Variants in CPEB2 observed in about 807,000 individuals in gnomAD.
The protein encoded by CPEB2 is cytoplasmic polyadenylation element binding protein 2.
CPEB2 carries 56 observed loss-of-function variants against 93.6 expected under a neutral mutation model. That is an observed-to-expected ratio of 0.60 (90% CI 0.48 to 0.75). CPEB2 has a LOEUF of 0.75. Ranked by LOEUF, CPEB2 falls within the 30% of genes least tolerant of loss-of-function variation. The probability of loss-of-function intolerance (pLI) is 0.00; values close to 1 mark genes in which losing one functional copy is unlikely to be tolerated. For missense variants in CPEB2, 1,579 were observed against 1,395.1 expected (o/e 1.13, Z -2.10); for synonymous variants, 764 against 586.3 (o/e 1.30, Z -4.38).
At chr4:15,038,226 A>T (rs947327796) in intron 5 of CPEB2, among the ~76,000 whole-genome samples, 1 of 152,196 alleles carries the variant, frequency 6.6e-6, no homozygotes, top group African/African-American at 2.4e-5. Flanking sequence ...AAGGAATGAA[A>T]ACTTAAGATG....
rs1729797480 is a variant in CPEB2 at position 15,067,683 on chromosome 4, G to A, written c.*1303G>A. The A allele has an allele frequency of 6.6e-6, 1 of 152,338 alleles. No individual in the cohort carries two copies. Among genetic ancestry groups the A allele is most frequent in the Admixed American group, 6.6e-5 (1 of 15,228 alleles). The allele number at this position is 152,338 out of a possible 1,614,324, so 9.4% of individuals were successfully genotyped here. A position where few individuals can be genotyped will look rare whatever the true frequency, so the allele number is the denominator to read the frequency against. ...TAAGTAAAGTCAAAATGGAGAAGGG[G>A]AAATATACAGATGGCTAGTTGCATA... On this transcript the variant is annotated 3_prime_UTR_variant, in exon 12 of 12. Coordinates refer to ENST00000538197, the MANE Select transcript of CPEB2 (RefSeq NM_001177382.2).
chr4:15,017,940 T>C (rs1264468519), intron 4 of CPEB2: 1 of 151,912 alleles, frequency 6.6e-6, no homozygotes, highest in Non-Finnish European at 1.5e-5. Flanking sequence ...TATCACATTG[T>C]CATTTATATC....
At position 15,006,695 on chromosome 4, in the gene CPEB2, A is replaced by G. The variant is rs542181876; in HGVS notation, c.1663-610A>G. ...AAGTGAAATAAAAACAATTAAGACA[A>G]ACTATGCTAAAACTGGAATAAAATG... On this transcript the variant is annotated intron_variant, in intron 1 of 11. Coordinates refer to ENST00000538197, the MANE Select transcript of CPEB2 (RefSeq NM_001177382.2). 9 of 152,334 alleles carry G rather than the reference A, an allele frequency of 5.9e-5. No homozygotes were observed. In the South Asian group the frequency reaches 1.7e-3, roughly 28 times the overall value. 9.4% of individuals were successfully genotyped at this position (152,334 alleles called of 1,614,324 possible). A position where few individuals can be genotyped will look rare whatever the true frequency, so the allele number is the denominator to read the frequency against.
In CPEB2 at chr4:15,011,920, A is replaced by G. The variant is rs2643090; in HGVS notation, c.2034+3493A>G. Among the ~76,000 whole-genome samples the G allele has an allele frequency of 7.7e-3, 1,171 of 151,454 alleles. 16 individuals carry two copies. Among genetic ancestry groups the G allele is most frequent in the African/African-American group, 0.027 (1,111 of 41,152 alleles). On this transcript the variant is annotated intron_variant, in intron 3 of 11. Coordinates refer to ENST00000538197, the MANE Select transcript of CPEB2 (RefSeq NM_001177382.2). ...TACTTGCAGTGCTTGAGCATGTCAC[A>G]TAATAAACTACCTTGAATTAATTGA...
At chr4:15,042,642 G>A (rs77420819) in intron 6 of CPEB2, among the ~76,000 whole-genome samples, 7,943 of 152,226 alleles carry the variant, frequency 0.052, 236 homozygotes, top group Non-Finnish European at 0.07. Flanking sequence ...GATTGTGAGA[G>A]TCACGTGAAA....
chr4:15,042,324 A>G (rs2109053809), intron 6 of CPEB2, among the ~76,000 whole-genome samples: 1 of 152,324 alleles, frequency 6.6e-6, no homozygotes, highest in South Asian at 2.1e-4. Flanking sequence ...ATTGTAGATT[A>G]TGATTATATT....
At chr4:15,039,956 G>T (rs1254570933) in intron 5 of CPEB2, among the ~76,000 whole-genome samples, 2 of 152,008 alleles carry the variant, frequency 1.3e-5, no homozygotes, top group African/African-American at 4.8e-5. Flanking sequence ...TTTAATGGTG[G>T]TATATCTTCT....
rs537061668 is a variant in CPEB2 at position 15,003,452 on chromosome 4, C to A, written c.779C>A (p.Pro260Gln). 6.5e-3 allele frequency: 8,798 copies of A among 1,363,988 alleles called. 55 individuals carry two copies. The highest frequency in any genetic ancestry group is 7.3e-3 in the Non-Finnish European group (7,772 of 1,067,990). The allele number at this position is 1,363,988 out of a possible 1,614,324, so 84.5% of individuals were successfully genotyped here. A position where few individuals can be genotyped will look rare whatever the true frequency, so the allele number is the denominator to read the frequency against. Residue 260 changes from proline (P) to glutamine (Q), a missense_variant, in exon 1 of 12, where the codon CCG (proline) becomes CAG (glutamine). Physicochemically the swap from Pro to Gln is moderately conservative, Grantham distance 76 (BLOSUM62 -1). Around this residue, in one of 2 missense-constraint regions of CPEB2, gnomAD observed 1,411 missense variants for 1,056.0 expected, o/e 1.34. Transcript: ENST00000538197. ...APRQRPADLP[P>Q]LPQLPPSPPA... ...CGGCAGCGTCCGGCAGACCTGCCCC[C>A]GCTCCCGCAGCTCCCTCCCTCGCCG...
At chr4:15,033,380 G>A (rs1050947467) in intron 5 of CPEB2, among the ~76,000 whole-genome samples, 169 bp downstream of exon 5, 8 of 152,134 alleles carry the variant, frequency 5.3e-5, no homozygotes, top group South Asian at 2.1e-4. Context: ...GAGTGTGTTC[G>A]GGCTGGTAAA....
chr4:15,018,969 T>TATATATATATATATATATACAC (rs1479960595), intron 4 of CPEB2, among the ~76,000 whole-genome samples: 1 of 139,196 alleles, frequency 7.2e-6, no homozygotes, highest in Non-Finnish European at 1.6e-5. Context: ...TATATATATA[T>TATATATATATATATATATACAC]ACACACGCAC....
chr4:15,032,611 A>G (rs1169976434), intron 4 of CPEB2, among the ~76,000 whole-genome samples: 1 of 152,112 alleles, frequency 6.6e-6, no homozygotes, highest in Non-Finnish European at 1.5e-5. Flanking sequence ...TAAATTTTCA[A>G]TAATATTTGT....
intron 11 of CPEB2, among the ~76,000 whole-genome samples, chr4:15,063,308 C>T (rs1272293033): frequency 6.6e-6 from 1 of 151,402 alleles, no homozygotes; most frequent in Admixed American, 6.6e-5. Context: ...AGCATAGGTT[C>T]AGTTCACAAA....
chr4:15,033,408 T>A (rs1272668065), intron 5 of CPEB2, among the ~76,000 whole-genome samples, 197 bp downstream of exon 5: 1 of 152,208 alleles, frequency 6.6e-6, no homozygotes, highest in African/African-American at 2.4e-5. Flanking sequence ...TTTGTAACAG[T>A]ATGACTTTAA....
chr4:15,053,009 T>G (rs562487852), intron 7 of CPEB2, among the ~76,000 whole-genome samples: 2 of 144,720 alleles, frequency 1.4e-5, no homozygotes, highest in East Asian at 4.0e-4. Context: ...ATTTTTATTT[T>G]TATTTATTTA....
At chr4:15,031,099 T>C (rs1267188561) in intron 4 of CPEB2, among the ~76,000 whole-genome samples, 2 of 152,122 alleles carry the variant, frequency 1.3e-5, no homozygotes, top group Admixed American at 6.6e-5. Context: ...ATAACTCTTT[T>C]AGCACCTAGC....
At chr4:15,051,170 T>A (rs1728184841) in intron 6 of CPEB2, among the ~76,000 whole-genome samples, 2 of 152,186 alleles carry the variant, frequency 1.3e-5, no homozygotes, top group South Asian at 4.1e-4. Flanking sequence ...TTGCACAGCT[T>A]CTGATCTGCT....
chr4:15,030,520 A>G (rs1725980200), intron 4 of CPEB2, among the ~76,000 whole-genome samples: 1 of 152,130 alleles, frequency 6.6e-6, no homozygotes, highest in Admixed American at 6.5e-5. Flanking sequence ...TATAGCCTCA[A>G]ATGCTGTTAG....
intron 3 of CPEB2, among the ~76,000 whole-genome samples, chr4:15,012,897 C>T (rs1463100311): frequency 6.6e-6 from 1 of 151,648 alleles, no homozygotes; most frequent in Admixed American, 6.6e-5. Context: ...TCTAATTGAC[C>T]ACTTCTTTAA....
Position 15,003,296 on chromosome 4 carries a change from T to A in CPEB2, c.623T>A (p.Phe208Tyr). 1 of 1,451,776 alleles carries A rather than the reference T, an allele frequency of 6.9e-7. No individual in the cohort carries two copies. The highest frequency in any genetic ancestry group is 9.0e-7 in the Non-Finnish European group (1 of 1,117,106). The allele number at this position is 1,451,776 out of a possible 1,614,324, so 89.9% of individuals were successfully genotyped here. A position where few individuals can be genotyped will look rare whatever the true frequency, so the allele number is the denominator to read the frequency against. ...CCGCCGCTCCACTGCCCCGGTCGGT[T>A]CAGCCCGCCGCCGCCGCCAGCCGGC... ...PPPPLHCPGR[F>Y]SPPPPPAGPL... The change falls in exon 1 of 12, where the codon TTC (phenylalanine) becomes TAC (tyrosine). Residue 208 changes from phenylalanine (F) to tyrosine (Y), a missense_variant. Physicochemically the swap from Phe to Tyr is conservative, Grantham distance 22. Coordinates refer to ENST00000538197, the MANE Select transcript of CPEB2 (RefSeq NM_001177382.2).
Sources: allele counts gnomAD v4.1 joint callset (sites outside exome capture counted in the v4.1 genomes callset), GRCh38; gene constraint gnomAD v4.1.1; regional missense constraint gnomAD v4.1.1; transcripts MANE v1.5; gene names NCBI Gene and HGNC (gene_info 2026-07-23, HGNC 2026-07-21).